TLL1: variants seen among roughly 807,000 people sequenced by gnomAD.
TLL1 encodes the protein tolloid like 1.
TLL1 carries 49 observed loss-of-function variants against 128.2 expected under a neutral mutation model. That is an observed-to-expected ratio of 0.38 (90% CI 0.30 to 0.48). The LOEUF is 0.48. TLL1 is among the 20% of genes least tolerant of loss of function. The pLI, the probability that TLL1 is intolerant of heterozygous loss-of-function variation, is 0.96. For missense variants in TLL1, 1,123 were observed against 1,242.0 expected, an observed-to-expected ratio of 0.90 and a Z score of 1.44; for synonymous variants, 454 against 418.8, an observed-to-expected ratio of 1.08 and a Z score of -1.03.
intron 19 of TLL1, among the ~76,000 whole-genome samples, chr4:166,096,610 A>G (rs1463123920): frequency 1.3e-5 from 2 of 152,022 alleles, no homozygotes; most frequent in African/African-American, 2.4e-5. Context: ...TGTGAGGCAG[A>G]CACACAAAAG....
chr4:166,044,431 CCT>C, intron 12 of TLL1: 1 of 1,535,272 alleles, frequency 6.5e-7, no homozygotes, highest in Non-Finnish European at 8.7e-7. Flanking sequence ...CATCTGGAAG[CCT>C]GTAAATTCTA....
chr4:166,020,970 A>G (rs918827497), intron 8 of TLL1, among the ~76,000 whole-genome samples: 2 of 152,194 alleles, frequency 1.3e-5, no homozygotes, highest in South Asian at 2.1e-4. Flanking sequence ...TAGAGTGTAC[A>G]TATCTATGGA....
rs145339013 is a variant in TLL1, at chr4:166,031,706, A to G, written c.1158+6275A>G. On this transcript the variant is annotated intron_variant, in intron 9 of 20. Transcript: ENST00000061240. ...ATTCCAATAATATGAGTTTATTTCA[A>G]TGTTATAAAATATGTTAATTTGAAA... Among the ~76,000 whole-genome samples, 716 of 152,202 alleles carry G rather than the reference A, an allele frequency of 4.7e-3. 3 individuals are homozygous for G. Among genetic ancestry groups the G allele is most frequent in the African/African-American group, 0.016 (681 of 41,532 alleles).
intron 9 of TLL1, among the ~76,000 whole-genome samples, chr4:166,027,407 G>T (rs1370764699): frequency 6.6e-6 from 1 of 152,114 alleles, no homozygotes; most frequent in Non-Finnish European, 1.5e-5. Context: ...TAACTGAATG[G>T]TATTAGGAGA....
At chr4:166,038,058 A>T (rs1035141487) in intron 9 of TLL1, among the ~76,000 whole-genome samples, 6 of 152,184 alleles carry the variant, frequency 3.9e-5, no homozygotes, top group Non-Finnish European at 7.3e-5. Flanking sequence ...AAGTTCATTC[A>T]GCATTGATTT....
At chr4:166,030,221 T>C (rs1252025836) in intron 9 of TLL1, among the ~76,000 whole-genome samples, 1 of 152,174 alleles carries the variant, frequency 6.6e-6, no homozygotes, top group African/African-American at 2.4e-5. Flanking sequence ...GTGATTTTGA[T>C]TTGAATTTTT....
rs559518623 is a variant in TLL1, at chr4:166,030,668, T to A, written c.1158+5237T>A. 16 of 962,624 alleles carry A rather than the reference T, an allele frequency of 1.7e-5. 1 individual carries two copies. Among genetic ancestry groups the A allele is most frequent in the African/African-American group, 1.4e-4 (8 of 58,868 alleles). The allele number at this position is 962,624 out of a possible 1,614,324, so 59.6% of individuals were successfully genotyped here. A position where few individuals can be genotyped will look rare whatever the true frequency, so the allele number is the denominator to read the frequency against. ...TTATATGTAGGTTTTTAATCAATAT[T>A]GTGTTAATAGAAACCATTCTTGTAC... On this transcript the variant is annotated intron_variant, in intron 9 of 20. Coordinates refer to ENST00000061240, the MANE Select transcript of TLL1 (RefSeq NM_012464.5).
chr4:165,931,894 G>A (rs2110907314), intron 1 of TLL1, among the ~76,000 whole-genome samples: 1 of 152,238 alleles, frequency 6.6e-6, no homozygotes, highest in Admixed American at 6.5e-5. Flanking sequence ...GCATTTAGTA[G>A]TAAAGTAGAA....
chr4:165,938,614 C>A (rs1335285646), intron 1 of TLL1, among the ~76,000 whole-genome samples: 1 of 151,934 alleles, frequency 6.6e-6, no homozygotes, highest in Non-Finnish European at 1.5e-5. Flanking sequence ...TGTAATCACC[C>A]TTTTTAAGTA....
chr4:166,075,503 T>C (rs552423560), intron 17 of TLL1, among the ~76,000 whole-genome samples: 4 of 152,310 alleles, frequency 2.6e-5, no homozygotes, highest in African/African-American at 4.8e-5. Context: ...TTTTAAGTCA[T>C]GGTTTTGGTC....
intron 1 of TLL1, among the ~76,000 whole-genome samples, chr4:165,925,186 T>C (rs1733213751): frequency 6.6e-6 from 1 of 152,210 alleles, no homozygotes; most frequent in Non-Finnish European, 1.5e-5. Flanking sequence ...GAAATACATT[T>C]TGTATGGCTA....
chr4:165,906,597 C>G (rs959958776), intron 1 of TLL1, among the ~76,000 whole-genome samples: 1 of 152,064 alleles, frequency 6.6e-6, no homozygotes, highest in Non-Finnish European at 1.5e-5. Flanking sequence ...TAGTGAAAAT[C>G]TTGGAAATAT....
intron 12 of TLL1, among the ~76,000 whole-genome samples, chr4:166,047,187 G>T (rs1360851944): frequency 2.0e-5 from 3 of 150,924 alleles, no homozygotes; most frequent in African/African-American, 4.9e-5. Flanking sequence ...TTTTGAGATG[G>T]AGTCTTGCTC....
chr4:166,066,008 G>A lies in TLL1; in HGVS notation c.2188+145G>A, dbSNP rs897024004. On this transcript the variant is annotated intron_variant, in intron 16 of 20. Coordinates refer to ENST00000061240, the MANE Select transcript of TLL1 (RefSeq NM_012464.5). ...TACAAACAACACAAAAATAATTATA[G>A]CAATATTTTTATACAGTGACTTTAC... 11 of 162,432 alleles carry A rather than the reference G, an allele frequency of 6.8e-5. No homozygotes were observed. The African/African-American group carries it at 8.1e-3, about 120-fold the overall frequency. The allele number at this position is 162,432 out of a possible 1,614,324, so 10.1% of individuals were successfully genotyped here. A position where few individuals can be genotyped will look rare whatever the true frequency, so the allele number is the denominator to read the frequency against.
rs987114791 is a variant in TLL1 at position 166,099,582 on chromosome 4, C to T, written c.2907+55C>T. ...ACATGATTAAAGATGCCTATTGATT[C>T]ATGATTGATATGTGTACCATTCACA... On this transcript the variant is annotated intron_variant, in intron 20 of 20. Coordinates refer to ENST00000061240, the MANE Select transcript of TLL1 (RefSeq NM_012464.5). 9 of 1,497,988 alleles carry T rather than the reference C, an allele frequency of 6.0e-6. No individual in the cohort carries two copies. In the African/African-American group the frequency reaches 1.3e-4, roughly 22 times the overall value. 92.8% of individuals were successfully genotyped at this position (1,497,988 alleles called of 1,614,324 possible). A position where few individuals can be genotyped will look rare whatever the true frequency, so the allele number is the denominator to read the frequency against.
intron 1 of TLL1, among the ~76,000 whole-genome samples, chr4:165,930,518 G>C (rs1733469463): frequency 6.6e-6 from 1 of 152,076 alleles, no homozygotes; most frequent in Admixed American, 6.6e-5. Flanking sequence ...AAAATTTACT[G>C]TGCTTTTGTG....
intron 1 of TLL1, among the ~76,000 whole-genome samples, chr4:165,901,569 C>T (rs940001845): frequency 2.6e-5 from 4 of 152,154 alleles, no homozygotes; most frequent in East Asian, 1.9e-4. Context: ...GTATCACTAG[C>T]GGAGGCTGCA....
intron 1 of TLL1, among the ~76,000 whole-genome samples, chr4:165,976,913 G>T (rs2110988739): frequency 1.3e-5 from 2 of 152,130 alleles, no homozygotes; most frequent in East Asian, 3.9e-4. Context: ...CGGTTTTTTT[G>T]TATTTTTCTT....
intron 13 of TLL1, among the ~76,000 whole-genome samples, chr4:166,056,095 A>G (rs759783983): frequency 6.6e-6 from 1 of 152,112 alleles, no homozygotes; most frequent in African/African-American, 2.4e-5. Flanking sequence ...TATTTTATTC[A>G]TCATATGAAA....
Sources: allele counts gnomAD v4.1 joint callset (sites outside exome capture counted in the v4.1 genomes callset), GRCh38; gene constraint gnomAD v4.1.1; transcripts MANE v1.5; gene names NCBI Gene and HGNC (gene_info 2026-07-23, HGNC 2026-07-21).